DPP4: variants seen among roughly 807,000 people sequenced by gnomAD.
The protein encoded by DPP4 is ADCP-2.
A neutral mutation model predicts 122.4 loss-of-function variants in DPP4; 93 were observed. That is an observed-to-expected ratio of 0.76 (90% CI 0.64 to 0.90). The LOEUF is 0.90. Ranked by LOEUF, DPP4 falls within the 40% of genes least tolerant of loss-of-function variation. DPP4 has a pLI of 0.00. For missense variants in DPP4, 914 were observed against 907.3 expected, an observed-to-expected ratio of 1.01 and a Z score of -0.09; for synonymous variants, 321 against 302.9, an observed-to-expected ratio of 1.06 and a Z score of -0.62.
chr2:162,046,061 A>G (rs796227432), intron 4 of DPP4, among the ~76,000 whole-genome samples: 4 of 152,296 alleles, frequency 2.6e-5, no homozygotes, highest in African/African-American at 9.6e-5. Flanking sequence ...GTGGAACTAG[A>G]TCTATTTTTT....
At chr2:162,007,191 T>C (rs901982909) in intron 22 of DPP4, among the ~76,000 whole-genome samples, 1 of 152,086 alleles carries the variant, frequency 6.6e-6, no homozygotes, top group African/African-American at 2.4e-5. Flanking sequence ...GAGAACTTCA[T>C]AAAATGCTCA....
intron 14 of DPP4, among the ~76,000 whole-genome samples, chr2:162,019,583 C>T (rs901688010): frequency 2.6e-5 from 4 of 151,980 alleles, no homozygotes; most frequent in Admixed American, 1.3e-4. Context: ...AGGCAGCTAG[C>T]CTGAAATTGA....
chr2:162,073,569 C>G lies in DPP4; in HGVS notation c.7-83G>C. 5 of 1,412,264 alleles carry G rather than the reference C, an allele frequency of 3.5e-6. No homozygotes were observed. In the South Asian group the frequency reaches 5.8e-5, roughly 16 times the overall value. 87.5% of individuals were successfully genotyped at this position (1,412,264 alleles called of 1,614,324 possible). A position where few individuals can be genotyped will look rare whatever the true frequency, so the allele number is the denominator to read the frequency against. ...AGGAGGGTCGGGGCTGCTCCAGAGG[C>G]AGCAGGATTTGCAGGTGGGAGTGCG... On this transcript the variant is annotated intron_variant, in intron 1 of 25. Transcript: ENST00000360534.
chr2:162,004,589 A>G (rs1004512337), intron 23 of DPP4, among the ~76,000 whole-genome samples: 1 of 151,778 alleles, frequency 6.6e-6, no homozygotes, highest in Non-Finnish European at 1.5e-5. Flanking sequence ...CTCCCTGCAC[A>G]CACACACACA....
chr2:162,046,704 T>A (rs189888648), intron 4 of DPP4: 104 of 621,670 alleles, frequency 1.7e-4, no homozygotes, highest in Middle Eastern at 1.3e-3. Flanking sequence ...GCACTTACAT[T>A]TAAAAATATG....
At chr2:162,073,556 G>A in intron 1 of DPP4, 70 bp from the exon 2 acceptor site, 2 of 1,507,540 alleles carry the variant, frequency 1.3e-6, no homozygotes, top group Non-Finnish European at 1.8e-6. Flanking sequence ...GAGGGTCGGG[G>A]CTGCTCCAGA....
At chr2:162,069,494 A>G (rs939944820) in intron 2 of DPP4, among the ~76,000 whole-genome samples, 3 of 152,210 alleles carry the variant, frequency 2.0e-5, no homozygotes. Flanking sequence ...CTTTGAGAAG[A>G]GAGGCAGAGA....
At chr2:162,043,259 G>A (rs556052837) in intron 5 of DPP4, among the ~76,000 whole-genome samples, 27 of 152,268 alleles carry the variant, frequency 1.8e-4, no homozygotes, top group African/African-American at 5.3e-4. Flanking sequence ...CAGGAGAAGC[G>A]GGTAGGAGAT....
In DPP4 at chr2:162,011,697, A is replaced by G. The variant is rs556979698; in HGVS notation, c.1832+96T>C. The G allele has an allele frequency of 3.0e-5, 38 of 1,264,650 alleles. No individual in the cohort carries two copies. In the African/African-American group the frequency reaches 4.5e-4, roughly 15 times the overall value. 78.3% of individuals were successfully genotyped at this position (1,264,650 alleles called of 1,614,324 possible). On this transcript the variant is annotated intron_variant, in intron 20 of 25. Transcript: ENST00000360534. The stretch of plus-strand genomic sequence containing the variant: ...TAAAAGATTACAAATTCATCCCAGA[A>G]CACTTTAAATTATTTACACTTTACA...
intron 2 of DPP4, among the ~76,000 whole-genome samples, chr2:162,061,380 A>G (rs895268405): frequency 3.9e-5 from 6 of 152,250 alleles, no homozygotes; most frequent in East Asian, 1.9e-4. Flanking sequence ...ATTCCTCTTC[A>G]TGTCTCTTGA....
At chr2:162,017,722 A>G (rs1410438098) in intron 16 of DPP4, among the ~76,000 whole-genome samples, 1 of 152,194 alleles carries the variant, frequency 6.6e-6, no homozygotes, top group Admixed American at 6.5e-5. Context: ...GTTTATCCCA[A>G]CTGTGGTAGT....
intron 5 of DPP4, 43 bp downstream of exon 5, chr2:162,045,489 C>T: frequency 7.0e-7 from 1 of 1,431,450 alleles, no homozygotes; most frequent in South Asian, 1.1e-5. Flanking sequence ...ATAGCATACT[C>T]TTGGATTATT....
At chr2:161,998,187 C>G (rs1428919114) in intron 23 of DPP4, among the ~76,000 whole-genome samples, 1 of 152,174 alleles carries the variant, frequency 6.6e-6, no homozygotes, top group Admixed American at 6.5e-5. Context: ...AATTTTCTGT[C>G]CTTCAGAGAG....
chr2:162,043,421 C>T (rs1449960990), intron 5 of DPP4, among the ~76,000 whole-genome samples: 1 of 152,146 alleles, frequency 6.6e-6, no homozygotes, highest in East Asian at 1.9e-4. Flanking sequence ...ACTTTCGATA[C>T]TGTCTGAAGC....
At chr2:162,003,424 A>C (rs75328653) in intron 23 of DPP4, among the ~76,000 whole-genome samples, 1,656 of 152,276 alleles carry the variant, frequency 0.011, 17 homozygotes, top group East Asian at 0.057. Flanking sequence ...GGGCTGGATG[A>C]AGAGGAAATA....
chr2:162,001,875 G>GC (rs1337618154), intron 23 of DPP4, among the ~76,000 whole-genome samples: 1 of 152,128 alleles, frequency 6.6e-6, no homozygotes, highest in Non-Finnish European at 1.5e-5. Flanking sequence ...CTCCACTTTG[G>GC]CTGCCCATTT....
intron 20 of DPP4, among the ~76,000 whole-genome samples, chr2:162,009,633 C>A (rs1701372711): frequency 6.7e-6 from 1 of 150,372 alleles, no homozygotes; most frequent in Non-Finnish European, 1.5e-5. Flanking sequence ...CTTTTCTTTA[C>A]ATAATTGAAT....
chr2:162,043,627 C>G (rs538725585), intron 5 of DPP4, among the ~76,000 whole-genome samples: 3 of 152,124 alleles, frequency 2.0e-5, no homozygotes, highest in Non-Finnish European at 1.5e-5. Flanking sequence ...CTGGTATTAC[C>G]TTTCTGTTTC....
At chr2:162,059,116 G>A (rs901394214) in intron 2 of DPP4, among the ~76,000 whole-genome samples, 1 of 152,172 alleles carries the variant, frequency 6.6e-6, no homozygotes, top group African/African-American at 2.4e-5. Flanking sequence ...AGGCTGGAAG[G>A]ACTGACCGAA....
Sources: allele counts gnomAD v4.1 joint callset (sites outside exome capture counted in the v4.1 genomes callset), GRCh38; gene constraint gnomAD v4.1.1; transcripts MANE v1.5; gene names NCBI Gene and HGNC (gene_info 2026-07-23, HGNC 2026-07-21).